Variants in DOCK10 observed in about 807,000 individuals in gnomAD.
The protein encoded by DOCK10 is dedicator of cytokinesis 10.
In DOCK10, 145 loss-of-function variants were observed where a neutral mutation model predicts 280.1. The ratio of observed to expected loss-of-function variants is 0.52; its 90% CI spans 0.45 to 0.59. The LOEUF (loss-of-function observed/expected upper bound fraction) is 0.59. DOCK10 is among the 20% of genes least tolerant of loss of function. The probability of loss-of-function intolerance (pLI) is 0.00; values close to 1 mark genes in which losing one functional copy is unlikely to be tolerated. For synonymous variants in DOCK10, 915 were observed against 942.2 expected (o/e 0.97, Z 0.53); for missense variants, 2,368 against 2,651.7 (o/e 0.89, Z 2.35).
chr2:225,004,335 G>A (rs1706515672), intron 1 of DOCK10, among the ~76,000 whole-genome samples: 1 of 152,258 alleles, frequency 6.6e-6, no homozygotes, highest in African/African-American at 2.4e-5. Flanking sequence ...CTGGAGTTGT[G>A]TGGCCACAGG....
Position 224,876,126 on chromosome 2 carries a change from C to T in DOCK10, c.843G>A (p.Trp281Ter). 6.2e-7 allele frequency: 1 copy of T among 1,613,964 alleles called. No individual in the cohort carries two copies. Among genetic ancestry groups the T allele is most frequent in the Non-Finnish European group, 8.5e-7 (1 of 1,179,880 alleles). The change falls in exon 8 of 56, where the codon TGG (tryptophan) becomes TGA (stop). Residue 281 changes from tryptophan to a stop codon, truncating the protein, a stop_gained. Coordinates refer to ENST00000258390, the MANE Select transcript of DOCK10 (RefSeq NM_014689.3). LOFTEE classifies it high-confidence loss of function. ...AAETESDMDEWIHTLNRILQI... is the reference protein window; with the variant it reads ...AAETESDMDE ...GCAGAATGCGGTTGAGGGTGTGGAT[C>T]CATTCATCCATATCTGACTCTGTTT...
At chr2:225,027,999 A>G (rs1689962891) in intron 1 of DOCK10, among the ~76,000 whole-genome samples, 2 of 152,234 alleles carry the variant, frequency 1.3e-5, no homozygotes, top group African/African-American at 4.8e-5. Context: ...TGCCTCGGGA[A>G]GAGTTAGTCC....
Position 224,793,749 on chromosome 2 carries a change from T to C in DOCK10, c.5155-292A>G, listed in dbSNP as rs564010554. Among the ~76,000 whole-genome samples, 3 of 152,280 alleles carry C rather than the reference T, an allele frequency of 2.0e-5. No individual in the cohort carries two copies. The South Asian group carries it at 6.2e-4, about 32-fold the overall frequency. On this transcript the variant is annotated intron_variant, in intron 45 of 55. Transcript: ENST00000258390. The stretch of plus-strand genomic sequence containing the variant: ...TCCTCCCTTAAAGTCTAAGCCTAGA[T>C]TAAAAATAAATCATAAGTCTCCTTT...
chr2:224,864,508 A>T (rs1190817950), intron 13 of DOCK10, 45 bp downstream of exon 13: 9 of 380,058 alleles, frequency 2.4e-5, no homozygotes, highest in Non-Finnish European at 3.5e-5. Context: ...AGACTCTATT[A>T]AAAAAAAAAA....
chr2:224,794,808 TAAATGAAA>T, intron 45 of DOCK10, 63 bp downstream of exon 45: 1 of 1,471,260 alleles, frequency 6.8e-7, no homozygotes, highest in South Asian at 1.2e-5. Context: ...GTCCATGCTG[TAAATGAAA>T]ATCCAATTTT....
intron 15 of DOCK10, among the ~76,000 whole-genome samples, chr2:224,856,545 A>G (rs1247000254): frequency 6.6e-6 from 1 of 152,096 alleles, no homozygotes; most frequent in African/African-American, 2.4e-5. Flanking sequence ...AGCTCTTCTC[A>G]CTCAGATGTG....
At chr2:224,933,898 A>G (rs1575079827) in intron 1 of DOCK10, among the ~76,000 whole-genome samples, 1 of 152,192 alleles carries the variant, frequency 6.6e-6, no homozygotes, top group Admixed American at 6.5e-5. Flanking sequence ...ATTAGTCCCC[A>G]AATCCAGCAT....
intron 39 of DOCK10, 28 bp from the exon 40 acceptor site, chr2:224,802,068 G>T (rs769542207): frequency 6.2e-7 from 1 of 1,607,150 alleles, no homozygotes; most frequent in Non-Finnish European, 8.5e-7. Context: ...AAAGTGGTTA[G>T]AGTTATTTGG....
intron 1 of DOCK10, among the ~76,000 whole-genome samples, chr2:224,998,383 G>A (rs1336747888): frequency 6.6e-6 from 1 of 151,910 alleles, no homozygotes; most frequent in African/African-American, 2.4e-5. Context: ...TCAACACCTT[G>A]GTATTATTTG....
intron 1 of DOCK10, among the ~76,000 whole-genome samples, chr2:224,961,472 C>CTTTCTT (rs1553623720): frequency 1.9e-3 from 196 of 102,916 alleles, no homozygotes; most frequent in African/African-American, 6.1e-3. Flanking sequence ...CTTTCTTTTT[C>CTTTCTT]TTTCTTTCTT....
chr2:224,970,503 G>A lies in DOCK10; in HGVS notation c.124-38835C>T, dbSNP rs1705021422. ...GTTTCTGTTCTAGCACGACATTTCC[G>A]GATTCAGACTTCTGCAACATGACAG... is the stretch of plus-strand genomic sequence containing the variant. On this transcript the variant is annotated intron_variant, in intron 1 of 55. Transcript: ENST00000258390. The surrounding 1 kb of genome is among the most constrained non-coding windows in gnomAD (Gnocchi z 4.6). Among the ~76,000 whole-genome samples the A allele has an allele frequency of 6.6e-6, 1 of 152,118 alleles. No individual in the cohort carries two copies. Among genetic ancestry groups the A allele is most frequent in the Admixed American group, 6.5e-5 (1 of 15,270 alleles).
At chr2:224,849,265 T>C (rs1406712061) in intron 19 of DOCK10, among the ~76,000 whole-genome samples, 2 of 152,244 alleles carry the variant, frequency 1.3e-5, no homozygotes, top group South Asian at 4.1e-4. Context: ...TGAGCCACTA[T>C]ACCCGGCCAG....
intron 7 of DOCK10, among the ~76,000 whole-genome samples, chr2:224,884,957 C>A (rs1438577112): frequency 6.6e-6 from 1 of 152,084 alleles, no homozygotes; most frequent in Non-Finnish European, 1.5e-5. Flanking sequence ...CTTGCCCCTG[C>A]CGCAGGGCCT....
At position 224,874,480 on chromosome 2, in the gene DOCK10, C is replaced by T. The variant is rs893856476; in HGVS notation, c.1018-131G>A. 6 of 924,500 alleles carry T rather than the reference C, an allele frequency of 6.5e-6. No homozygotes were observed. In the African/African-American group the frequency reaches 6.7e-5, roughly 10 times the overall value. 57.3% of individuals were successfully genotyped at this position (924,500 alleles called of 1,614,324 possible). The stretch of plus-strand genomic sequence containing the variant: ...TATTACCCATTAACACTTGGCAAAT[C>T]TTGTAAAAGTATGTTTCCTTTTTGA... On this transcript the variant is annotated intron_variant, in intron 9 of 55. Transcript: ENST00000258390.
chr2:224,961,972 A>C (rs974125218), intron 1 of DOCK10, among the ~76,000 whole-genome samples: 2 of 152,158 alleles, frequency 1.3e-5, no homozygotes, highest in Non-Finnish European at 2.9e-5. Flanking sequence ...GAATTGCAGG[A>C]GTTTATTGAG....
At chr2:224,857,352 C>G (rs1697217198) in intron 14 of DOCK10, among the ~76,000 whole-genome samples, 1 of 152,146 alleles carries the variant, frequency 6.6e-6, no homozygotes, top group South Asian at 2.1e-4. Flanking sequence ...AGGACAGAGT[C>G]ACTTCAATTT....
chr2:224,906,525 C>A (rs1446279265), intron 3 of DOCK10, among the ~76,000 whole-genome samples: 8 of 151,980 alleles, frequency 5.3e-5, no homozygotes, highest in Non-Finnish European at 1.2e-4. Context: ...GTGCAGTGTG[C>A]TGGAGTGCAG....
At chr2:224,935,268 A>G (rs1259720123) in intron 1 of DOCK10, among the ~76,000 whole-genome samples, 2 of 152,218 alleles carry the variant, frequency 1.3e-5, no homozygotes, top group East Asian at 3.8e-4. Context: ...TTTCATCACT[A>G]TAATTCAAGA....
At chr2:225,028,984 G>T (rs1690000247) in intron 1 of DOCK10, among the ~76,000 whole-genome samples, 1 of 152,024 alleles carries the variant, frequency 6.6e-6, no homozygotes. Flanking sequence ...CACTTTTACT[G>T]GACAGCCCCA....
Sources: allele counts gnomAD v4.1 joint callset (sites outside exome capture counted in the v4.1 genomes callset), GRCh38; gene constraint gnomAD v4.1.1; non-coding constraint Gnocchi (gnomAD v3.1); transcripts MANE v1.5; gene names NCBI Gene and HGNC (gene_info 2026-07-23, HGNC 2026-07-21).